Variants in ITGA1 observed in about 807,000 individuals in gnomAD.
ITGA1 encodes integrin subunit alpha 1.
A neutral mutation model predicts 145.9 loss-of-function variants in ITGA1; 85 were observed. The ratio of observed to expected loss-of-function variants is 0.58; its 90% CI spans 0.49 to 0.70. The LOEUF is 0.70. Ranked by LOEUF, ITGA1 falls within the 30% of genes least tolerant of loss-of-function variation. The probability of loss-of-function intolerance (pLI) is 0.00; values close to 1 mark genes in which losing one functional copy is unlikely to be tolerated. For missense variants in ITGA1, 1,351 were observed against 1,418.7 expected (o/e 0.95, Z 0.77); for synonymous variants, 520 against 495.3 (o/e 1.05, Z -0.66).
At chr5:52,876,746 T>G (rs767113878) in intron 6 of ITGA1, among the ~76,000 whole-genome samples, 1 of 152,140 alleles carries the variant, frequency 6.6e-6, no homozygotes, top group Non-Finnish European at 1.5e-5. Flanking sequence ...CCTCTAAAGT[T>G]AGGATGTACT....
chr5:52,818,559 T>TC (rs1357070892), intron 1 of ITGA1, among the ~76,000 whole-genome samples: 1 of 152,212 alleles, frequency 6.6e-6, no homozygotes, highest in Admixed American at 6.5e-5. Flanking sequence ...TGTAACTATT[T>TC]CCCGCATTCA....
chr5:52,799,773 C>T (rs1748417220), intron 1 of ITGA1: 1 of 154,530 alleles, frequency 6.5e-6, no homozygotes, highest in African/African-American at 2.4e-5. Flanking sequence ...CTGAGAGCTA[C>T]TTTTACTGCT....
intron 1 of ITGA1, among the ~76,000 whole-genome samples, chr5:52,831,775 T>C (rs1018400348): frequency 6.6e-6 from 1 of 152,170 alleles, no homozygotes; most frequent in African/African-American, 2.4e-5. Context: ...ATGGGACTTT[T>C]ATTAATGTCC....
chr5:52,840,879 TA>T (rs1455968394), intron 1 of ITGA1, among the ~76,000 whole-genome samples: 1 of 152,184 alleles, frequency 6.6e-6, no homozygotes, highest in East Asian at 1.9e-4. Flanking sequence ...ATTAAACAGC[TA>T]CTTTGTATCA....
intron 17 of ITGA1, 81 bp downstream of exon 17, chr5:52,920,549 C>A: frequency 8.7e-7 from 1 of 1,145,394 alleles, no homozygotes; most frequent in Non-Finnish European, 1.2e-6. Context: ...CAATCAAATT[C>A]TTACTGTTTT....
intron 1 of ITGA1, among the ~76,000 whole-genome samples, chr5:52,798,631 A>C (rs1229239529): frequency 5.3e-5 from 8 of 152,166 alleles, no homozygotes; most frequent in African/African-American, 1.9e-4. Context: ...GGGGGAAAAT[A>C]GTCATTCATG....
intron 6 of ITGA1, among the ~76,000 whole-genome samples, chr5:52,877,544 C>G (rs761278110): frequency 1.3e-5 from 2 of 152,164 alleles, no homozygotes; most frequent in African/African-American, 2.4e-5. Flanking sequence ...GGCAATGACC[C>G]AAGGACTCAA....
intron 1 of ITGA1, among the ~76,000 whole-genome samples, chr5:52,791,347 G>A (rs940143891): frequency 1.3e-5 from 2 of 152,142 alleles, no homozygotes; most frequent in African/African-American, 4.8e-5. Flanking sequence ...TCCTAGGCCT[G>A]AGGAGGTGGC....
chr5:52,833,344 C>T (rs1749107232), intron 1 of ITGA1, among the ~76,000 whole-genome samples: 1 of 152,098 alleles, frequency 6.6e-6, no homozygotes, highest in Non-Finnish European at 1.5e-5. Flanking sequence ...AAGAGTACAA[C>T]CAAGCCTAAT....
intron 28 of ITGA1, among the ~76,000 whole-genome samples, chr5:52,950,359 T>C (rs1375056121): frequency 6.6e-6 from 1 of 152,222 alleles, no homozygotes; most frequent in Non-Finnish European, 1.5e-5. Context: ...TGGGGACTGG[T>C]GTCTCACCAC....
At chr5:52,929,468 CT>C (rs1322770372) in intron 20 of ITGA1, among the ~76,000 whole-genome samples, 156 bp from the exon 21 acceptor site, 2 of 152,088 alleles carry the variant, frequency 1.3e-5, no homozygotes, top group Non-Finnish European at 2.9e-5. Flanking sequence ...ATATGTTATT[CT>C]ATCTATTTTG....
At chr5:52,816,977 A>T (rs1417098897) in intron 1 of ITGA1, among the ~76,000 whole-genome samples, 1 of 152,188 alleles carries the variant, frequency 6.6e-6, no homozygotes, top group African/African-American at 2.4e-5. Context: ...TTGGCACCCT[A>T]AAAGCAAAAG....
intron 1 of ITGA1, among the ~76,000 whole-genome samples, chr5:52,816,788 T>C (rs1170483218): frequency 6.6e-6 from 1 of 152,214 alleles, no homozygotes; most frequent in East Asian, 1.9e-4. Context: ...AACACTCCGC[T>C]ATTTCTGGAG....
In ITGA1 at chr5:52,839,524, T is replaced by G. The variant is rs1006176853; in HGVS notation, c.62-9841T>G. On this transcript the variant is annotated intron_variant, in intron 1 of 28. Coordinates refer to ENST00000282588, the MANE Select transcript of ITGA1 (RefSeq NM_181501.2). ...TCATTGGTTCAATCTCAGGGTCAAGTCTTACCCAACTGTCCTATGTACTCT... is the reference window on the plus strand; with the variant it reads ...TCATTGGTTCAATCTCAGGGTCAAGGCTTACCCAACTGTCCTATGTACTCT... Among the ~76,000 whole-genome samples, 8 of 152,170 alleles carry G rather than the reference T, an allele frequency of 5.3e-5. No homozygotes were observed. In the South Asian group the frequency reaches 1.0e-3, roughly 20 times the overall value.
chr5:52,834,560 G>GAGAAAGAGAAGAA (rs1554042396), intron 1 of ITGA1, among the ~76,000 whole-genome samples: 1 of 130,690 alleles, frequency 7.7e-6, no homozygotes, highest in Admixed American at 7.6e-5. Flanking sequence ...GAAAGAGAGA[G>GAGAAAGAGAAGAA]AGAAAGAGAG....
intron 1 of ITGA1, among the ~76,000 whole-genome samples, chr5:52,821,163 G>A (rs887770100): frequency 3.9e-5 from 6 of 152,262 alleles, no homozygotes; most frequent in Admixed American, 3.3e-4. Flanking sequence ...CAGCAAATAC[G>A]AAGACTTGGA....
chr5:52,932,687 C>G (rs1750910230), intron 22 of ITGA1: 2 of 152,154 alleles, frequency 1.3e-5, no homozygotes, highest in African/African-American at 4.8e-5. Flanking sequence ...CCTGCTTAAG[C>G]AGAACTCCAA....
At chr5:52,823,018 G>C (rs1309372799) in intron 1 of ITGA1, among the ~76,000 whole-genome samples, 1 of 152,102 alleles carries the variant, frequency 6.6e-6, no homozygotes, top group Non-Finnish European at 1.5e-5. Flanking sequence ...GACACATCGA[G>C]TTTGTATTGC....
At chr5:52,838,743 A>G (rs776332435) in intron 1 of ITGA1, among the ~76,000 whole-genome samples, 1 of 152,178 alleles carries the variant, frequency 6.6e-6, no homozygotes, top group East Asian at 1.9e-4. Flanking sequence ...GGCATGCTTC[A>G]TTTTTGAAAT....
Sources: gnomAD v4.1 joint callset for allele counts (sites outside exome capture counted in the v4.1 genomes callset) on GRCh38, gnomAD v4.1.1 for gene constraint, MANE v1.5 for transcripts, NCBI Gene and HGNC (gene_info 2026-07-23, HGNC 2026-07-21) for gene names.